The following IP6K2 variants were observed in gnomAD, a reference collection of about 807,000 sequenced individuals.
IP6K2 encodes ATP:1D-myo-inositol-hexakisphosphate phosphotransferase.
In IP6K2, 9 loss-of-function variants were observed where a neutral mutation model predicts 43.3. That is an observed-to-expected ratio of 0.21 (90% CI 0.13 to 0.36). The LOEUF is 0.36. Ranked by LOEUF, IP6K2 falls within the 10% of genes least tolerant of loss-of-function variation. The pLI, the probability that IP6K2 is intolerant of heterozygous loss-of-function variation, is 1.00. For missense variants in IP6K2, 332 were observed against 538.4 expected (o/e 0.62, Z 3.79); for synonymous variants, 209 against 202.4 (o/e 1.03, Z -0.28).
chr3:48,707,151 A>G (rs2079888007), intron 1 of IP6K2, among the ~76,000 whole-genome samples: 1 of 152,194 alleles, frequency 6.6e-6, no homozygotes, highest in South Asian at 2.1e-4. Flanking sequence ...TGAATGTTTC[A>G]AACTTATAAT....
intron 2 of IP6K2, chr3:48,694,363 T>G: frequency 6.5e-7 from 1 of 1,545,026 alleles, no homozygotes; most frequent in Non-Finnish European, 8.8e-7. Flanking sequence ...TTAAAGACAA[T>G]GTTTCAACAG....
intron 4 of IP6K2, 66 bp downstream of exon 4, chr3:48,691,241 C>T: frequency 7.3e-7 from 1 of 1,362,956 alleles, no homozygotes; most frequent in South Asian, 1.3e-5. Flanking sequence ...CTCCAAGCTC[C>T]AAGGGACTTC....
At chr3:48,705,710 T>C (rs1399830129) in intron 1 of IP6K2, among the ~76,000 whole-genome samples, 1 of 150,432 alleles carries the variant, frequency 6.6e-6, no homozygotes, top group African/African-American at 2.4e-5. Flanking sequence ...TTCAAGGATA[T>C]ACTACAGCTT....
chr3:48,692,923 T>C (rs2077929406), intron 3 of IP6K2, 31 bp downstream of exon 3: 4 of 1,520,062 alleles, frequency 2.6e-6, no homozygotes, highest in South Asian at 2.3e-5. Context: ...CCCTCCCACA[T>C]AGCCCAGAGT....
chr3:48,693,376 G>T, intron 2 of IP6K2, 197 bp from the exon 3 acceptor site: 1 of 1,156,918 alleles, frequency 8.6e-7, no homozygotes, highest in African/African-American at 1.5e-5. Flanking sequence ...AGCAATTAGG[G>T]AGCAAACATG....
At chr3:48,693,987 T>C (rs952603744) in intron 2 of IP6K2, 5 of 1,374,846 alleles carry the variant, frequency 3.6e-6, no homozygotes, top group Non-Finnish European at 4.7e-6. Flanking sequence ...GACGAGCGCC[T>C]TACAAACGAC....
intron 2 of IP6K2, chr3:48,694,277 C>T: frequency 6.4e-7 from 1 of 1,551,440 alleles, no homozygotes; most frequent in South Asian, 1.2e-5. Context: ...AAGTGAGGGC[C>T]CCCAACTCCC....
At chr3:48,697,114 A>G (rs1286873489) in intron 1 of IP6K2, among the ~76,000 whole-genome samples, 3 of 147,772 alleles carry the variant, frequency 2.0e-5, no homozygotes, top group Admixed American at 6.9e-5. Context: ...TCCGCCTCCC[A>G]GGTTCACGTC....
In IP6K2 at chr3:48,695,535, C is replaced by T; in HGVS notation, c.-130-114G>A. ...CAAAGACAAACAGTCTGAGTTCTTG[C>T]GGGACTCCGCCCATGCCACCCACCT... On this transcript the variant is annotated intron_variant, in intron 1 of 5. Transcript: ENST00000328631. The surrounding 1 kb of genome is among the most constrained non-coding windows in gnomAD (Gnocchi z 4.6). 2 of 1,261,978 alleles carry T rather than the reference C, an allele frequency of 1.6e-6. No homozygotes were observed. Among genetic ancestry groups the T allele is most frequent in the South Asian group, 3.3e-5 (1 of 30,484 alleles). The allele number at this position is 1,261,978 out of a possible 1,614,324, so 78.2% of individuals were successfully genotyped here.
intron 1 of IP6K2, among the ~76,000 whole-genome samples, chr3:48,709,566 C>T (rs1321983552): frequency 5.3e-5 from 8 of 152,122 alleles, no homozygotes; most frequent in Admixed American, 1.3e-4. Flanking sequence ...AGGCTGGGCG[C>T]GGTGGCTCAC....
intron 1 of IP6K2, among the ~76,000 whole-genome samples, chr3:48,705,501 T>C (rs934992824): frequency 1.3e-5 from 2 of 151,656 alleles, no homozygotes; most frequent in Non-Finnish European, 2.9e-5. Context: ...AGCTGCACAG[T>C]GACAGCCAGT....
intron 1 of IP6K2, among the ~76,000 whole-genome samples, chr3:48,708,401 T>A (rs1045492577): frequency 2.0e-5 from 3 of 152,254 alleles, no homozygotes; most frequent in Non-Finnish European, 4.4e-5. Context: ...TATCAATATA[T>A]CAAACTTTAT....
At position 48,688,188 on chromosome 3, in the gene IP6K2, C is replaced by T. The variant is rs1427660168; in HGVS notation, c.*85G>A. 7 of 1,494,300 alleles carry T rather than the reference C, an allele frequency of 4.7e-6. No individual in the cohort carries two copies. The highest frequency in any genetic ancestry group is 6.4e-6 in the Non-Finnish European group (7 of 1,090,160). The allele number at this position is 1,494,300 out of a possible 1,614,324, so 92.6% of individuals were successfully genotyped here. A position where few individuals can be genotyped will look rare whatever the true frequency, so the allele number is the denominator to read the frequency against. Reference sequence around the variant, plus strand: ...AGCTCCAGGCTGCAGGAGCCACCACCTGGCCATACTGGCTTCCTCCCTGAC... The same window carrying T: ...AGCTCCAGGCTGCAGGAGCCACCACTTGGCCATACTGGCTTCCTCCCTGAC... On this transcript the variant is annotated 3_prime_UTR_variant, in exon 6 of 6. Coordinates refer to ENST00000328631, the MANE Select transcript of IP6K2 (RefSeq NM_016291.4). The surrounding 1 kb of genome is among the most constrained non-coding windows in gnomAD (Gnocchi z 5.1).
intron 4 of IP6K2, among the ~76,000 whole-genome samples, 166 bp downstream of exon 4, chr3:48,691,141 A>T (rs1410721190): frequency 6.6e-6 from 1 of 152,150 alleles, no homozygotes; most frequent in Non-Finnish European, 1.5e-5. Context: ...GCCCTGAGGG[A>T]AGTGATTATT....
intron 1 of IP6K2, among the ~76,000 whole-genome samples, chr3:48,698,868 C>T (rs2078704539): frequency 6.6e-6 from 1 of 152,074 alleles, no homozygotes; most frequent in Admixed American, 6.6e-5. Context: ...GAGCCCAGGA[C>T]ATTGAGGCTG....
chr3:48,693,370 A>G (rs766463059), intron 2 of IP6K2, 191 bp from the exon 3 acceptor site: 51 of 1,146,340 alleles, frequency 4.4e-5, no homozygotes, highest in East Asian at 2.1e-4. Context: ...AAGACAAGCA[A>G]TTAGGGAGCA....
At position 48,692,942 on chromosome 3, in the gene IP6K2, G is replaced by T. The variant is rs1213755627; in HGVS notation, c.428+12C>A. On this transcript the variant is annotated intron_variant, in intron 3 of 5. Coordinates refer to ENST00000328631, the MANE Select transcript of IP6K2 (RefSeq NM_016291.4). The stretch of plus-strand genomic sequence containing the variant: ...CCCACATAGCCCAGAGTTGCCCTCT[G>T]TCTACACTCACCTCTTCATTTTCTC... The T allele has an allele frequency of 6.3e-7, 1 of 1,599,144 alleles. No homozygotes were observed. Among genetic ancestry groups the T allele is most frequent in the Non-Finnish European group, 8.6e-7 (1 of 1,167,680 alleles).
chr3:48,696,402 C>T (rs2078353226), intron 1 of IP6K2, among the ~76,000 whole-genome samples: 1 of 152,068 alleles, frequency 6.6e-6, no homozygotes, highest in Non-Finnish European at 1.5e-5. Flanking sequence ...CTGGTTAACT[C>T]CATTTAAAAA....
intron 1 of IP6K2, among the ~76,000 whole-genome samples, chr3:48,697,347 TTTTTTAG>T (rs2078492068): frequency 6.6e-6 from 1 of 150,812 alleles, no homozygotes; most frequent in African/African-American, 2.5e-5. Flanking sequence ...TTTTGTTTTT[TTTTTTAG>T]ATGGAGTCTT....
Sources: gnomAD v4.1 joint callset for allele counts (sites outside exome capture counted in the v4.1 genomes callset) on GRCh38, gnomAD v4.1.1 for gene constraint, Gnocchi (gnomAD v3.1) non-coding constraint, MANE v1.5 for transcripts, NCBI Gene and HGNC (gene_info 2026-07-23, HGNC 2026-07-21) for gene names.